Variants in GPC5 observed in about 807,000 individuals in gnomAD.
GPC5 encodes glypican-5.
Under a neutral mutation model 53.9 loss-of-function variants are expected in GPC5, and 47 were observed. That is an observed-to-expected ratio of 0.87 (90% CI 0.69 to 1.11). The LOEUF (loss-of-function observed/expected upper bound fraction) is 1.11, where lower values mean the gene tolerates loss of function less well. Ranked by LOEUF, GPC5 falls within the 50% of genes most tolerant of loss-of-function variation. The pLI, the probability that GPC5 is intolerant of heterozygous loss-of-function variation, is 0.00. For missense variants in GPC5, 748 were observed against 713.1 expected (o/e 1.05, Z -0.56); for synonymous variants, 286 against 263.3 (o/e 1.09, Z -0.84).
Position 91,790,752 on chromosome 13 carries a change from C to T in GPC5, c.1280+34332C>T, listed in dbSNP as rs1162115741. The stretch of plus-strand genomic sequence containing the variant: ...TATTGTAAATGTAGTAGAATAGCCT[C>T]TTTGTGGTAGCAAGCTGGTTTTTGG... On this transcript the variant is annotated intron_variant, in intron 5 of 7. Transcript: ENST00000377067. 5.9e-5 allele frequency among the ~76,000 whole-genome samples: 9 copies of T among 152,192 alleles called. No homozygotes were observed. In the South Asian group the frequency reaches 6.2e-4, roughly 11 times the overall value.
chr13:92,392,450 C>T (rs1439463378), intron 7 of GPC5, among the ~76,000 whole-genome samples: 1 of 151,986 alleles, frequency 6.6e-6, no homozygotes, highest in Admixed American at 6.6e-5. Flanking sequence ...ATAAAAAACC[C>T]TAGAAGACAA....
chr13:92,342,723 A>G lies in GPC5; in HGVS notation c.1561+197734A>G, dbSNP rs569751661. Among the ~76,000 whole-genome samples the G allele has an allele frequency of 2.5e-3, 375 of 152,270 alleles. 1 individual carries two copies. The highest frequency in any genetic ancestry group is 8.8e-3 in the African/African-American group (367 of 41,568). On this transcript the variant is annotated intron_variant, in intron 7 of 7. Coordinates refer to ENST00000377067, the MANE Select transcript of GPC5 (RefSeq NM_004466.6). ...AATCATAAATGATTCCTTGAAAAAT[A>G]TGAGTATTTTAATTCCATCCTCTGG...
chr13:92,387,289 G>A (rs1874777315), intron 7 of GPC5, among the ~76,000 whole-genome samples: 1 of 152,060 alleles, frequency 6.6e-6, no homozygotes, highest in Admixed American at 6.6e-5. Context: ...TCCCCCAACT[G>A]TAGGGTAATG....
chr13:92,135,497 A>G (rs1238848718), intron 6 of GPC5, among the ~76,000 whole-genome samples: 1 of 152,154 alleles, frequency 6.6e-6, no homozygotes, highest in Non-Finnish European at 1.5e-5. Context: ...CAATTTTGGT[A>G]TGAGGGCTTA....
At chr13:92,073,731 C>A (rs2041231216) in intron 6 of GPC5, among the ~76,000 whole-genome samples, 2 of 152,046 alleles carry the variant, frequency 1.3e-5, no homozygotes, top group Admixed American at 6.6e-5. Context: ...ATGGAGTTAC[C>A]CATTATAAAC....
intron 2 of GPC5, among the ~76,000 whole-genome samples, chr13:91,472,167 C>T (rs1882671934): frequency 6.6e-6 from 1 of 152,106 alleles, no homozygotes; most frequent in African/African-American, 2.4e-5. Flanking sequence ...ATATTTGTAA[C>T]CATGTGTATA....
chr13:91,598,032 A>G (rs2033056097), intron 2 of GPC5, among the ~76,000 whole-genome samples: 1 of 152,208 alleles, frequency 6.6e-6, no homozygotes, highest in Non-Finnish European at 1.5e-5. Context: ...GAGAGGTAAC[A>G]ATAATTTCAG....
chr13:92,246,401 A>G (rs2042651229), intron 7 of GPC5, among the ~76,000 whole-genome samples: 1 of 152,146 alleles, frequency 6.6e-6, no homozygotes. Context: ...TTGTCAAAAT[A>G]TTTGATGGTA....
chr13:92,054,398 T>C (rs2041057602), intron 6 of GPC5, among the ~76,000 whole-genome samples: 1 of 152,220 alleles, frequency 6.6e-6, no homozygotes, highest in Non-Finnish European at 1.5e-5. Context: ...CTGATTACCC[T>C]TAATATCAGC....
intron 6 of GPC5, among the ~76,000 whole-genome samples, chr13:91,986,068 T>G (rs1343651944): frequency 7.3e-6 from 1 of 136,576 alleles, no homozygotes; most frequent in Non-Finnish European, 1.6e-5. Flanking sequence ...ATACTTTTTT[T>G]TTTTTTTTTT....
chr13:92,681,168 A>ATT (rs1887099797), intron 7 of GPC5, among the ~76,000 whole-genome samples: 1 of 151,808 alleles, frequency 6.6e-6, no homozygotes, highest in South Asian at 2.1e-4. Context: ...TCAGTAAGCG[A>ATT]TTTACCTCCT....
intron 7 of GPC5, among the ~76,000 whole-genome samples, chr13:92,385,497 C>CATAT (rs1874611903): frequency 2.2e-5 from 3 of 135,506 alleles, no homozygotes; most frequent in African/African-American, 8.3e-5. Context: ...CACATATATA[C>CATAT]ATACATATAC....
At chr13:92,722,421 T>C (rs1289811324) in intron 7 of GPC5, among the ~76,000 whole-genome samples, 2 of 151,872 alleles carry the variant, frequency 1.3e-5, no homozygotes, top group African/African-American at 2.4e-5. Flanking sequence ...ATAAAATATA[T>C]GGAACCTATT....
intron 5 of GPC5, among the ~76,000 whole-genome samples, chr13:91,846,367 C>T (rs1176708348): frequency 1.3e-5 from 2 of 151,740 alleles, no homozygotes; most frequent in Non-Finnish European, 2.9e-5. Flanking sequence ...TAACCTGATT[C>T]TGCCAGCGTA....
intron 6 of GPC5, among the ~76,000 whole-genome samples, chr13:92,050,050 T>C (rs1384031056): frequency 1.3e-5 from 2 of 152,044 alleles, no homozygotes; most frequent in Non-Finnish European, 1.5e-5. Context: ...ACAAAAGATA[T>C]TTAAATAATG....
rs1468283770 is a variant in GPC5, at chr13:91,478,795, T to A, written c.325+29873T>A. On this transcript the variant is annotated intron_variant, in intron 2 of 7. Coordinates refer to ENST00000377067, the MANE Select transcript of GPC5 (RefSeq NM_004466.6). ...GAAGTTACTTATCCTCCATTTGAGT[T>A]TATATATATATATATATATATATAT... 4.9e-4 allele frequency among the ~76,000 whole-genome samples: 27 copies of A among 55,366 alleles called. No individual in the cohort carries two copies. The East Asian group carries it at 0.012, about 24-fold the overall frequency. The allele number at this position is 55,366 out of a possible 152,430, so 36.3% of individuals were successfully genotyped here. A position where few individuals can be genotyped will look rare whatever the true frequency, so the allele number is the denominator to read the frequency against.
At chr13:92,355,777 T>C (rs1262947786) in intron 7 of GPC5, among the ~76,000 whole-genome samples, 1 of 152,106 alleles carries the variant, frequency 6.6e-6, no homozygotes, top group Non-Finnish European at 1.5e-5. Context: ...AAATTTCAAT[T>C]TCAAGCACCC....
At chr13:92,456,206 G>A (rs1425015743) in intron 7 of GPC5, among the ~76,000 whole-genome samples, 1 of 152,120 alleles carries the variant, frequency 6.6e-6, no homozygotes, top group African/African-American at 2.4e-5. Flanking sequence ...CCTTTCTGCT[G>A]TATAATTTAG....
At chr13:92,204,882 G>GTTGT (rs1331853082) in intron 7 of GPC5, among the ~76,000 whole-genome samples, 1 of 152,004 alleles carries the variant, frequency 6.6e-6, no homozygotes, top group African/African-American at 2.4e-5. Context: ...GTTTTTGTTT[G>GTTGT]TTGTTTGTTT....
Sources: gnomAD v4.1 joint callset for allele counts (sites outside exome capture counted in the v4.1 genomes callset) on GRCh38, gnomAD v4.1.1 for gene constraint, MANE v1.5 for transcripts, NCBI Gene and HGNC (gene_info 2026-07-23, HGNC 2026-07-21) for gene names.